The following IFT52 variants were observed in gnomAD, a reference collection of about 807,000 sequenced individuals.
IFT52 encodes the protein intraflagellar transport protein 52 homolog.
IFT52 carries 44 observed loss-of-function variants against 54.4 expected under a neutral mutation model. That is an observed-to-expected ratio of 0.81 (90% CI 0.63 to 1.04). The LOEUF (loss-of-function observed/expected upper bound fraction) is 1.04, where lower values mean the gene tolerates loss of function less well. Ranked by LOEUF, IFT52 falls within the 50% of genes least tolerant of loss-of-function variation. The probability of loss-of-function intolerance (pLI) is 0.00; values close to 1 mark genes in which losing one functional copy is unlikely to be tolerated. For synonymous variants in IFT52, 181 were observed against 185.3 expected (o/e 0.98, Z 0.19); for missense variants, 452 against 523.6 (o/e 0.86, Z 1.33).
chr20:43,629,350 G>A (rs1568784058), intron 10 of IFT52, among the ~76,000 whole-genome samples: 1 of 151,736 alleles, frequency 6.6e-6, no homozygotes, highest in Admixed American at 6.6e-5. Context: ...TCGACTCACT[G>A]CAAGCTCCGC....
intron 1 of IFT52, among the ~76,000 whole-genome samples, chr20:43,592,826 C>T (rs1406412947): frequency 1.3e-5 from 2 of 152,228 alleles, no homozygotes; most frequent in East Asian, 3.9e-4. Flanking sequence ...AATTATGAAA[C>T]CCGACTGGGT....
chr20:43,594,668 T>C (rs1236085868), intron 1 of IFT52, 25 bp from the exon 2 acceptor site: 4 of 1,228,146 alleles, frequency 3.3e-6, no homozygotes, highest in Admixed American at 3.5e-5. Flanking sequence ...TTATTGATTT[T>C]CTGATCCCAT....
chr20:43,618,663 T>C (rs1341731697), intron 7 of IFT52, among the ~76,000 whole-genome samples: 1 of 152,010 alleles, frequency 6.6e-6, no homozygotes, highest in Non-Finnish European at 1.5e-5. Flanking sequence ...TTTTTATTTT[T>C]AGTAGAGACG....
chr20:43,647,207 G>T lies in IFT52; in HGVS notation c.*224G>T. Reference sequence around the variant, plus strand: ...AAAAATTAAATGTATGGTTGCATCTGTCTTTTTATACCCTATGAAACAGTC... The same window carrying T: ...AAAAATTAAATGTATGGTTGCATCTTTCTTTTTATACCCTATGAAACAGTC... On this transcript the variant is annotated 3_prime_UTR_variant, in exon 14 of 14. Coordinates refer to ENST00000373030, the MANE Select transcript of IFT52 (RefSeq NM_016004.5). 1 of 558,698 alleles carries T rather than the reference G, an allele frequency of 1.8e-6. No homozygotes were observed. The highest frequency in any genetic ancestry group is 2.4e-5 in the South Asian group (1 of 42,110). 34.6% of individuals were successfully genotyped at this position (558,698 alleles called of 1,614,324 possible).
At chr20:43,618,584 C>T (rs142441392) in intron 7 of IFT52, among the ~76,000 whole-genome samples, 1,551 of 152,068 alleles carry the variant, frequency 0.01, 26 homozygotes, top group African/African-American at 0.035. Flanking sequence ...TAAGTTCAAG[C>T]GATTTCCCTG....
intron 7 of IFT52, 23 bp downstream of exon 7, chr20:43,613,999 G>T: frequency 6.3e-7 from 1 of 1,576,222 alleles, no homozygotes; most frequent in Non-Finnish European, 8.6e-7. Context: ...TTAGATATGG[G>T]TATAGATGTT....
chr20:43,598,178 A>G (rs1287372248), intron 3 of IFT52, among the ~76,000 whole-genome samples: 1 of 152,186 alleles, frequency 6.6e-6, no homozygotes, highest in East Asian at 1.9e-4. Flanking sequence ...AAACGAAAAT[A>G]AGGCAGACAC....
chr20:43,614,460 T>A (rs1983702495), intron 7 of IFT52, among the ~76,000 whole-genome samples: 1 of 152,016 alleles, frequency 6.6e-6, no homozygotes, highest in African/African-American at 2.4e-5. Flanking sequence ...GGTCTCGATC[T>A]CCTGACCATC....
intron 10 of IFT52, among the ~76,000 whole-genome samples, chr20:43,627,921 A>ATTTT (rs1984856453): frequency 7.9e-5 from 1 of 12,734 alleles, no homozygotes; most frequent in Non-Finnish European, 1.6e-4. Flanking sequence ...AGAGAGAGAG[A>ATTTT]GTTTTTTTTT....
chr20:43,605,408 G>A (rs1354180413), intron 6 of IFT52, among the ~76,000 whole-genome samples: 4 of 152,138 alleles, frequency 2.6e-5, no homozygotes, highest in South Asian at 4.1e-4. Flanking sequence ...TTAGCCAGGC[G>A]TGGTGGTGTG....
At chr20:43,623,824 A>G in intron 9 of IFT52, 67 bp from the exon 10 acceptor site, 3 of 1,505,610 alleles carry the variant, frequency 2.0e-6, no homozygotes, top group Middle Eastern at 1.8e-4. Context: ...GACCTGAGAC[A>G]GTGGAGACTT....
chr20:43,594,410 G>A (rs1352816115), intron 1 of IFT52, among the ~76,000 whole-genome samples: 2 of 152,196 alleles, frequency 1.3e-5, no homozygotes, highest in African/African-American at 4.8e-5. Context: ...CAAGAGCAGG[G>A]TGATGGCAGG....
chr20:43,628,619 G>A (rs572388969), intron 10 of IFT52, among the ~76,000 whole-genome samples: 9 of 152,296 alleles, frequency 5.9e-5, no homozygotes, highest in East Asian at 5.8e-4. Context: ...TTGGGAGGCC[G>A]AAGCGAGCGG....
intron 3 of IFT52, among the ~76,000 whole-genome samples, chr20:43,601,755 T>C (rs1295779895): frequency 1.3e-5 from 2 of 152,100 alleles, no homozygotes; most frequent in Non-Finnish European, 2.9e-5. Flanking sequence ...ACATAGCATA[T>C]ATTTAGGGCT....
chr20:43,616,892 A>G (rs775450827), intron 7 of IFT52, among the ~76,000 whole-genome samples: 1 of 152,080 alleles, frequency 6.6e-6, no homozygotes, highest in African/African-American at 2.4e-5. Context: ...ATGCTCCTGT[A>G]GTCCTGGCTA....
chr20:43,598,252 G>A (rs981616924), intron 3 of IFT52, among the ~76,000 whole-genome samples: 13 of 152,172 alleles, frequency 8.5e-5, no homozygotes, highest in Admixed American at 2.6e-4. Flanking sequence ...AGTCGAATTC[G>A]TAGAGACAGA....
At chr20:43,604,563 G>A (rs934057443) in intron 5 of IFT52, among the ~76,000 whole-genome samples, 1 of 151,770 alleles carries the variant, frequency 6.6e-6, no homozygotes, top group Non-Finnish European at 1.5e-5. Flanking sequence ...CTGACAGAGC[G>A]AGACTTCATC....
intron 8 of IFT52, among the ~76,000 whole-genome samples, chr20:43,620,396 G>A (rs1600488635): frequency 6.6e-6 from 1 of 152,286 alleles, no homozygotes; most frequent in South Asian, 2.1e-4. Flanking sequence ...GGCAGCTCAT[G>A]CCTGTAATCC....
chr20:43,624,547 C>T (rs564422489), intron 10 of IFT52, among the ~76,000 whole-genome samples: 11 of 152,170 alleles, frequency 7.2e-5, no homozygotes, highest in African/African-American at 1.7e-4. Flanking sequence ...TCTGTAAAGC[C>T]GTTAGGGAAG....
Sources: allele counts gnomAD v4.1 joint callset (sites outside exome capture counted in the v4.1 genomes callset), GRCh38; gene constraint gnomAD v4.1.1; transcripts MANE v1.5; gene names NCBI Gene and HGNC (gene_info 2026-07-23, HGNC 2026-07-21).